DMD: variants seen among roughly 807,000 people sequenced by gnomAD.
DMD encodes the protein mutant dystrophin.
In DMD, 63 loss-of-function variants were observed where a neutral mutation model predicts 330.1. The ratio of observed to expected loss-of-function variants is 0.19; its 90% CI spans 0.16 to 0.24. The LOEUF (loss-of-function observed/expected upper bound fraction) is 0.24, where lower values mean the gene tolerates loss of function less well. Ranked by LOEUF, DMD falls within the 10% of genes least tolerant of loss-of-function variation. The pLI, the probability that DMD is intolerant of heterozygous loss-of-function variation, is 1.00. For synonymous variants in DMD, 1,223 were observed against 959.8 expected, an observed-to-expected ratio of 1.27 and a Z score of -5.07; for missense variants, 3,344 against 2,684.1, an observed-to-expected ratio of 1.25 and a Z score of -5.43.
In DMD at chrX:32,115,780, C is replaced by G. The variant is rs193039830; in HGVS notation, c.6438+101136G>C. On this transcript the variant is annotated intron_variant, in intron 44 of 78. Coordinates refer to ENST00000357033, the MANE Select transcript of DMD (RefSeq NM_004006.3). The stretch of plus-strand genomic sequence containing the variant: ...TACATCTAATTCATCACAGCAAATC[C>G]TGTCAGCTTTGTCTTTAAAATGTAT... Among the ~76,000 whole-genome samples, 12 of 111,681 alleles carry G rather than the reference C, an allele frequency of 1.1e-4. No homozygotes were observed. The Admixed American group carries it at 1.1e-3, about 11-fold the overall frequency.
chrX:33,032,787 G>A (rs767373643), intron 1 of DMD, among the ~76,000 whole-genome samples: 1 of 112,371 alleles, frequency 8.9e-6, no homozygotes, highest in Non-Finnish European at 1.9e-5. Context: ...GGTCAGTACT[G>A]AGCCTGCTCA....
At chrX:31,374,436 T>C (rs1392029963) in intron 60 of DMD, among the ~76,000 whole-genome samples, 2 of 109,955 alleles carry the variant, frequency 1.8e-5, no homozygotes, top group African/African-American at 6.7e-5. Context: ...TGTCCAACAA[T>C]GATAGGCTGG....
At chrX:31,205,142 T>C (rs1255522308) in intron 66 of DMD, among the ~76,000 whole-genome samples, 1 of 111,872 alleles carries the variant, frequency 8.9e-6, no homozygotes, top group Non-Finnish European at 1.9e-5. Context: ...TGCAATGTTA[T>C]GTTTTGTTCT....
intron 1 of DMD, among the ~76,000 whole-genome samples, chrX:33,229,614 A>T (rs1324136233): frequency 3.6e-5 from 4 of 111,891 alleles, no homozygotes; most frequent in Non-Finnish European, 7.6e-5. Flanking sequence ...TATTGCATTG[A>T]ACTATGCGTC....
intron 44 of DMD, among the ~76,000 whole-genome samples, chrX:32,012,123 T>C (rs1459843917): frequency 8.9e-6 from 1 of 112,285 alleles, no homozygotes; most frequent in Non-Finnish European, 1.9e-5. Flanking sequence ...AATATTGCAA[T>C]AGCCTACTAA....
At chrX:32,913,071 C>T (rs767789200) in intron 2 of DMD, among the ~76,000 whole-genome samples, 2 of 111,618 alleles carry the variant, frequency 1.8e-5, no homozygotes, top group Non-Finnish European at 3.8e-5. Context: ...GGGTTTCTTG[C>T]ACTAAAAGAT....
At chrX:32,247,147 A>G (rs2097242825) in intron 43 of DMD, among the ~76,000 whole-genome samples, 1 of 111,358 alleles carries the variant, frequency 9.0e-6, no homozygotes, top group African/African-American at 3.3e-5. Context: ...TCAAAGACAT[A>G]TATAAGTAAA....
chrX:33,046,771 A>C (rs1008562457), intron 1 of DMD, among the ~76,000 whole-genome samples: 1 of 112,611 alleles, frequency 8.9e-6, no homozygotes, highest in Non-Finnish European at 1.9e-5. Context: ...CAAATAATTG[A>C]TATCCTTTCC....
intron 1 of DMD, among the ~76,000 whole-genome samples, chrX:33,200,925 C>CTTTTTTTTTTT: frequency 9.5e-5 from 5 of 52,811 alleles, no homozygotes; most frequent in Non-Finnish European, 9.0e-5. Context: ...AATCAATAGA[C>CTTTTTTTTTTT]TTTTTTTTTT....
intron 53 of DMD, among the ~76,000 whole-genome samples, chrX:31,665,181 T>C (rs182890601): frequency 6.1e-4 from 68 of 111,863 alleles, no homozygotes; most frequent in African/African-American, 2.1e-3. Flanking sequence ...TAAAGAAATT[T>C]AAGGAAAAGG....
chrX:32,125,142 A>G (rs1234276504), intron 44 of DMD, among the ~76,000 whole-genome samples: 1 of 110,854 alleles, frequency 9.0e-6, no homozygotes, highest in Non-Finnish European at 1.9e-5. Flanking sequence ...GGCTAGATTT[A>G]TATTTATTAA....
chrX:31,758,801 T>C (rs1449225574), intron 51 of DMD, among the ~76,000 whole-genome samples: 2 of 112,084 alleles, frequency 1.8e-5, no homozygotes, highest in African/African-American at 6.5e-5. Flanking sequence ...TTTTGACTGA[T>C]AACGTAAAAT....
intron 48 of DMD, among the ~76,000 whole-genome samples, chrX:31,856,096 G>A (rs1259694680): frequency 9.0e-6 from 1 of 111,529 alleles, no homozygotes; most frequent in Non-Finnish European, 1.9e-5. Flanking sequence ...CATATTAATC[G>A]GTAAGAGAAA....
chrX:31,692,093 G>T (rs920626320), intron 52 of DMD, among the ~76,000 whole-genome samples: 4 of 111,625 alleles, frequency 3.6e-5, no homozygotes, highest in African/African-American at 1.3e-4. Context: ...TATAAAATTA[G>T]AAATCAATTA....
intron 7 of DMD, among the ~76,000 whole-genome samples, chrX:32,701,379 A>T (rs775597490): frequency 2.9e-4 from 32 of 112,140 alleles, no homozygotes; most frequent in Admixed American, 4.8e-4. Flanking sequence ...GGTCAAAGTA[A>T]TTTTTGCAAG....
chrX:32,953,132 C>CA (rs956888529), intron 2 of DMD, among the ~76,000 whole-genome samples: 1,899 of 48,185 alleles, frequency 0.039, 27 homozygotes, highest in African/African-American at 0.062. Context: ...AAGACTCCAC[C>CA]AAAAAAAAAA....
At chrX:32,603,580 GA>G (rs2056413721) in intron 12 of DMD, among the ~76,000 whole-genome samples, 1 of 110,697 alleles carries the variant, frequency 9.0e-6, no homozygotes, top group Non-Finnish European at 1.9e-5. Context: ...AGTTTTCTTT[GA>G]AAAGATAAAC....
At chrX:31,167,041 T>C (rs981144546) in intron 74 of DMD, among the ~76,000 whole-genome samples, 9 of 112,055 alleles carry the variant, frequency 8.0e-5, no homozygotes, top group African/African-American at 2.6e-4. Context: ...AACAGGTTTA[T>C]TCCGGGACAC....
At chrX:33,184,114 T>G (rs1468152052) in intron 1 of DMD, among the ~76,000 whole-genome samples, 2 of 111,967 alleles carry the variant, frequency 1.8e-5, no homozygotes, top group South Asian at 7.5e-4. Context: ...AAGGTTAATA[T>G]GTCTAAGAAT....
Sources: gnomAD v4.1 joint callset for allele counts (sites outside exome capture counted in the v4.1 genomes callset) on GRCh38, gnomAD v4.1.1 for gene constraint, MANE v1.5 for transcripts, NCBI Gene and HGNC (gene_info 2026-07-23, HGNC 2026-07-21) for gene names.